Variants in CELA2B observed in about 807,000 individuals in gnomAD.
The protein encoded by CELA2B is chymotrypsin-like elastase family member 2B.
In CELA2B, 27 loss-of-function variants were observed where a neutral mutation model predicts 36.5. The observed-to-expected ratio is 0.74, with a 90% CI of 0.55 to 1.02. The LOEUF (loss-of-function observed/expected upper bound fraction) is 1.02, where lower values mean the gene tolerates loss of function less well. Ranked by LOEUF, CELA2B falls within the 50% of genes least tolerant of loss-of-function variation. The pLI, the probability that CELA2B is intolerant of heterozygous loss-of-function variation, is 0.00. For missense variants in CELA2B, 340 were observed against 347.8 expected, an observed-to-expected ratio of 0.98 and a Z score of 0.18; for synonymous variants, 143 against 148.5, an observed-to-expected ratio of 0.96 and a Z score of 0.27.
chr1:15,482,738 C>T (rs1409918886), intron 4 of CELA2B, among the ~76,000 whole-genome samples: 1 of 152,130 alleles, frequency 6.6e-6, no homozygotes, highest in Non-Finnish European at 1.5e-5. Context: ...CACAATCTCT[C>T]CTGCCTTCCC....
intron 2 of CELA2B, among the ~76,000 whole-genome samples, chr1:15,480,016 A>AAG (rs1439121199): frequency 1.3e-5 from 2 of 152,104 alleles, no homozygotes; most frequent in Non-Finnish European, 1.5e-5. Context: ...GCCACTGGAG[A>AAG]GTCTGAGCAG....
chr1:15,486,491 G>T (rs1395205014), intron 6 of CELA2B, among the ~76,000 whole-genome samples: 1 of 152,064 alleles, frequency 6.6e-6, no homozygotes, highest in East Asian at 1.9e-4. Flanking sequence ...ACCTGACCTT[G>T]TTCTTGTTTG....
chr1:15,478,251 G>GT (rs1708697217), intron 2 of CELA2B, among the ~76,000 whole-genome samples: 1 of 150,624 alleles, frequency 6.6e-6, no homozygotes, highest in African/African-American at 2.5e-5. Flanking sequence ...GTTTGTTTTT[G>GT]TTTTTTGGTT....
chr1:15,490,532 A>C (rs1000144571), intron 7 of CELA2B, among the ~76,000 whole-genome samples: 8 of 152,214 alleles, frequency 5.3e-5, no homozygotes, highest in East Asian at 1.9e-4. Flanking sequence ...GCAGCTGGAT[A>C]TCCTGCCGTT....
intron 4 of CELA2B, 95 bp downstream of exon 4, chr1:15,482,488 C>T (rs1708755220): frequency 1.3e-6 from 2 of 1,527,804 alleles, no homozygotes; most frequent in Middle Eastern, 3.5e-4. Context: ...CACACCCCCT[C>T]TGCTTTTTCT....
rs1390948868 is a variant in CELA2B, at chr1:15,481,133, C to T, written c.165C>T (p.Tyr55=). ...AGTACAGCTCCAATGGCCAGTGGTA[C>T]CACACCTGCGGAGGGTCCCTGATAG... is the stretch of plus-strand genomic sequence containing the variant. ...SLQYSSNGQW[Y]HTCGGSLIAN... Residue 55 remains tyrosine (Y), a synonymous_variant, in exon 3 of 8, where the codon TAC becomes TAT. Coordinates refer to ENST00000375910, the MANE Select transcript of CELA2B (RefSeq NM_015849.3). The T allele has an allele frequency of 6.2e-7, 1 of 1,613,336 alleles. No individual in the cohort carries two copies. The highest frequency in any genetic ancestry group is 8.5e-7 in the Non-Finnish European group (1 of 1,180,022).
chr1:15,484,357 G>C (rs1006192477), intron 5 of CELA2B, among the ~76,000 whole-genome samples: 10 of 152,236 alleles, frequency 6.6e-5, no homozygotes, highest in Middle Eastern at 6.8e-3. Context: ...CAGAGGTTTG[G>C]AAGATTCTAG....
rs1410487963 is a variant in CELA2B at position 15,485,950 on chromosome 1, G to A, written c.543G>A (p.Val181=). 7.4e-6 allele frequency: 12 copies of A among 1,614,062 alleles called. No individual in the cohort carries two copies. The highest frequency in any genetic ancestry group is 4.0e-5 in the African/African-American group (3 of 74,924). ...DDLKQGQLLV[V]DYATCSSSGW... ...TGAAGCAGGGCCAGTTGCTGGTTGT[G>A]GACTATGCCACCTGCTCCAGCTCTG... The change falls in exon 6 of 8, where the codon GTG becomes GTA. Residue 181 remains valine (V), a synonymous_variant. Transcript: ENST00000375910.
intron 7 of CELA2B, among the ~76,000 whole-genome samples, chr1:15,489,873 T>G (rs182171812): frequency 4.9e-4 from 74 of 152,184 alleles, no homozygotes; most frequent in Non-Finnish European, 9.9e-4. Context: ...GTAATCATTG[T>G]TTTTGTTTTG....
chr1:15,487,890 A>G (rs1708825227), intron 7 of CELA2B, among the ~76,000 whole-genome samples: 2 of 152,188 alleles, frequency 1.3e-5, no homozygotes, highest in South Asian at 4.1e-4. Context: ...CAACCATCCC[A>G]GTTTGCCCAG....
At chr1:15,490,932 C>G in intron 7 of CELA2B, 1 of 273,186 alleles carries the variant, frequency 3.7e-6, no homozygotes, top group South Asian at 5.3e-5. Flanking sequence ...TAGCCCCAAC[C>G]ACAGTGCATA....
At chr1:15,489,427 G>A (rs9659443) in intron 7 of CELA2B, among the ~76,000 whole-genome samples, 46,952 of 152,098 alleles carry the variant, frequency 0.31, 7,668 homozygotes, top group East Asian at 0.56. Flanking sequence ...GTTTCAGAAG[G>A]GGGAGAGCCA....
Position 15,481,194 on chromosome 1 carries a change from A to G in CELA2B, c.226A>G (p.Ser76Gly), listed in dbSNP as rs1199205072. Residue 76 changes from serine to glycine, a missense_variant and splice_region_variant, in exon 3 of 8, where the codon AGC becomes GGC. Transcript: ENST00000375910. Reference protein sequence around the residue: ...SWVLTAAHCISSSGIYRVMLG... With the variant: ...SWVLTAAHCIGSSGIYRVMLG... ...GGTCCTGACGGCTGCCCACTGCATC[A>G]GGTAACTGCCATTCCCTGGGCGCTT... The G allele has an allele frequency of 1.2e-6, 2 of 1,614,222 alleles. No homozygotes were observed. The highest frequency in any genetic ancestry group is 4.5e-5 in the East Asian group (2 of 44,884).
At chr1:15,483,041 C>A (rs1272250371) in intron 4 of CELA2B, among the ~76,000 whole-genome samples, 5 of 152,200 alleles carry the variant, frequency 3.3e-5, no homozygotes, top group African/African-American at 1.2e-4. Context: ...CTCGCCTCGG[C>A]CTCCCAAAGT....
intron 6 of CELA2B, among the ~76,000 whole-genome samples, chr1:15,486,709 A>G (rs1280072394): frequency 3.3e-5 from 5 of 152,224 alleles, no homozygotes; most frequent in African/African-American, 7.2e-5. Flanking sequence ...ACTCTCATCA[A>G]TGGCGCAGTG....
intron 5 of CELA2B, among the ~76,000 whole-genome samples, chr1:15,484,371 G>T (rs1264253550): frequency 6.6e-6 from 1 of 152,102 alleles, no homozygotes; most frequent in African/African-American, 2.4e-5. Flanking sequence ...ATTCTAGGAA[G>T]GGATGAGTGA....
intron 2 of CELA2B, among the ~76,000 whole-genome samples, chr1:15,479,001 A>G (rs778058003): frequency 3.9e-5 from 6 of 151,984 alleles, no homozygotes; most frequent in East Asian, 1.9e-4. Context: ...CCCGGGGGGG[A>G]ATGAGGATTC....
intron 4 of CELA2B, among the ~76,000 whole-genome samples, chr1:15,482,833 TG>T (rs1708758969): frequency 6.6e-6 from 1 of 152,152 alleles, no homozygotes; most frequent in Non-Finnish European, 1.5e-5. Context: ...TCACCCAGGC[TG>T]TAGTGCAGTA....
intron 2 of CELA2B, among the ~76,000 whole-genome samples, chr1:15,478,214 A>T: frequency 9.8e-6 from 1 of 101,922 alleles, no homozygotes; most frequent in East Asian, 3.4e-4. Flanking sequence ...ATATATATAT[A>T]TATTGGGATA....
Sources: gnomAD v4.1 joint callset for allele counts (sites outside exome capture counted in the v4.1 genomes callset) on GRCh38, gnomAD v4.1.1 for gene constraint, MANE v1.5 for transcripts, NCBI Gene and HGNC (gene_info 2026-07-23, HGNC 2026-07-21) for gene names.